JSRP1: variants seen among roughly 807,000 people sequenced by gnomAD.
The protein encoded by JSRP1 is 2310032K21Rik.
JSRP1 carries 29 observed loss-of-function variants against 21.4 expected under a neutral mutation model. That is an observed-to-expected ratio of 1.36 (90% CI 1.01 to 1.85). JSRP1 has a LOEUF of 1.85. Ranked by LOEUF, JSRP1 falls within the 40% of genes most tolerant of loss-of-function variation. The pLI, the probability that JSRP1 is intolerant of heterozygous loss-of-function variation, is 0.00. For synonymous variants in JSRP1, 221 were observed against 206.1 expected (o/e 1.07, Z -0.62); for missense variants, 531 against 461.5 (o/e 1.15, Z -1.38).
At chr19:2,256,330 C>T (rs535734441) in intron 1 of JSRP1, 53 bp downstream of exon 1, 2 of 152,564 alleles carry the variant, frequency 1.3e-5, no homozygotes, top group South Asian at 2.1e-4. Flanking sequence ...GGAGCCCACA[C>T]CTCTGCCCGG....
Position 2,253,692 on chromosome 19 carries a change from G to T in JSRP1, c.364C>A (p.Leu122Met). The change falls in exon 5 of 7, where the codon CTG becomes ATG. Residue 122 changes from leucine (L) to methionine (M), a missense_variant. By Grantham distance (15) the Leu-to-Met change is conservative (BLOSUM62 2). Coordinates refer to ENST00000300961, the MANE Select transcript of JSRP1 (RefSeq NM_144616.4). Reference sequence around the variant, plus strand: ...AGCACCAGGCACTTGTTGAGCGACAGGTCTCCCCAGGGCAGCTCCTCGCTC... The same window carrying T: ...AGCACCAGGCACTTGTTGAGCGACATGTCTCCCCAGGGCAGCTCCTCGCTC... ...ALSEELPWGD[L>M]SLNKCLVLAS... 7.3e-6 allele frequency: 11 copies of T among 1,510,428 alleles called. No homozygotes were observed. The highest frequency in any genetic ancestry group is 9.7e-6 in the Non-Finnish European group (11 of 1,136,708). 93.6% of individuals were successfully genotyped at this position (1,510,428 alleles called of 1,614,324 possible). A position where few individuals can be genotyped will look rare whatever the true frequency, so the allele number is the denominator to read the frequency against.
At position 2,255,298 on chromosome 19, in the gene JSRP1, C is replaced by G; in HGVS notation, c.17G>C (p.Arg6Thr). MSMTT[R>T]AWEELDGGLG... ...GCCGCCATCCAGCTCCTCCCAGGCT[C>G]TGGTTGTCATGGACATGGCTGGAGC... The change falls in exon 2 of 7, where the codon AGA (arginine) becomes ACA (threonine). Residue 6 changes from arginine to threonine, a missense_variant. Transcript: ENST00000300961. 3 of 1,609,438 alleles carry G rather than the reference C, an allele frequency of 1.9e-6. No homozygotes were observed. The highest frequency in any genetic ancestry group is 2.5e-6 in the Non-Finnish European group (3 of 1,178,098).
In JSRP1 at chr19:2,253,765, C is replaced by G; in HGVS notation, c.291G>C (p.Lys97Asn). The change falls in exon 5 of 7, where the codon AAG (lysine) becomes AAC (asparagine). Residue 97 changes from lysine (K) to asparagine (N), a missense_variant. Transcript: ENST00000300961. Reference sequence around the variant, plus strand: ...GCTGCAGGGGCGGCGCGGTCTGCGCCTTCTTGCGCGCGGGGACGCTCCGAG... The same window carrying G: ...GCTGCAGGGGCGGCGCGGTCTGCGCGTTCTTGCGCGCGGGGACGCTCCGAG... Reference protein sequence around the residue: ...ASPRSVPARKKAQTAPPLQPP... With the variant: ...ASPRSVPARKNAQTAPPLQPP... 1 of 1,439,082 alleles carries G rather than the reference C, an allele frequency of 6.9e-7. No homozygotes were observed. Among genetic ancestry groups the G allele is most frequent in the South Asian group, 1.4e-5 (1 of 70,238 alleles). 89.1% of individuals were successfully genotyped at this position (1,439,082 alleles called of 1,614,324 possible). A position where few individuals can be genotyped will look rare whatever the true frequency, so the allele number is the denominator to read the frequency against.
chr19:2,254,598 T>A, intron 2 of JSRP1, 116 bp from the exon 3 acceptor site: 1 of 1,138,500 alleles, frequency 8.8e-7, no homozygotes, highest in Non-Finnish European at 1.3e-6. Context: ...GATAAGAAAG[T>A]AGGTGGAGGC....
At chr19:2,255,620 C>T (rs1023149196) in intron 1 of JSRP1, among the ~76,000 whole-genome samples, 3 of 152,224 alleles carry the variant, frequency 2.0e-5, no homozygotes, top group African/African-American at 7.2e-5. Flanking sequence ...CCAGAGAGGG[C>T]GGGAGCCCCT....
intron 5 of JSRP1, 79 bp from the exon 6 acceptor site, chr19:2,253,082 GC>G: frequency 3.9e-6 from 4 of 1,016,112 alleles, no homozygotes; most frequent in South Asian, 2.9e-5. Flanking sequence ...CACCCCTAGA[GC>G]CCCCCTCCCT....
Position 2,252,274 on chromosome 19 carries a change from C to G in JSRP1, c.*55G>C. 7.2e-7 allele frequency: 1 copy of G among 1,381,934 alleles called. No homozygotes were observed. The highest frequency in any genetic ancestry group is 9.5e-7 in the Non-Finnish European group (1 of 1,050,948). 85.6% of individuals were successfully genotyped at this position (1,381,934 alleles called of 1,614,324 possible). On this transcript the variant is annotated 3_prime_UTR_variant, in exon 7 of 7. Transcript: ENST00000300961. ...TGCGGCCGCAGCACTCGCTTTATTTCGCCAGAGTCGCGGGGCGTCCAGAAG... is the reference window on the plus strand; with the variant it reads ...TGCGGCCGCAGCACTCGCTTTATTTGGCCAGAGTCGCGGGGCGTCCAGAAG...
rs376505142 is a variant in JSRP1 at position 2,254,440 on chromosome 19, C to T, written c.147+5G>A. 3.1e-6 allele frequency: 5 copies of T among 1,612,918 alleles called. No individual in the cohort carries two copies. Among genetic ancestry groups the T allele is most frequent in the Admixed American group, 1.7e-5 (1 of 60,024 alleles). ...GGTTAAAGGCTGAGGGTCCCAGCTA[C>T]TCACGTGGGGCACGCTGCCGGAGTC... On this transcript the variant is annotated splice_donor_5th_base_variant and intron_variant, in intron 3 of 6. Coordinates refer to ENST00000300961, the MANE Select transcript of JSRP1 (RefSeq NM_144616.4).
chr19:2,252,618 T>G lies in JSRP1; in HGVS notation c.707A>C (p.Lys236Thr), dbSNP rs764413840. The G allele has an allele frequency of 4.3e-5, 70 of 1,612,494 alleles. 1 individual carries two copies. In the South Asian group the frequency reaches 7.7e-4, roughly 18 times the overall value. Reference protein sequence around the residue: ...DRVTLADRGPKERPRREGKPR... With the variant: ...DRVTLADRGPTERPRREGKPR... ...CTTCCCCTCTCTCCGAGGCCTCTCC[T>G]TGGGTCCCCGGTCTGCGAGGGTCAC... is the stretch of plus-strand genomic sequence containing the variant. Residue 236 changes from lysine (K) to threonine (T), a missense_variant, in exon 7 of 7, where the codon AAG (lysine) becomes ACG (threonine). By Grantham distance (78) the Lys-to-Thr change is moderately conservative (BLOSUM62 -1). Transcript: ENST00000300961.
Position 2,254,188 on chromosome 19 carries a change from C to T in JSRP1, c.261G>A (p.Ala87=), listed in dbSNP as rs781764031. ...CACCCATGCCTCCTGCAAACCCACT[C>T]GCTCCGGCTTTCAGCCTCTCCTTCC... The part of the protein sequence containing the change: ...GTGKERLKAG[A]SPRSVPARKK... The change falls in exon 4 of 7, where the codon GCG becomes GCA. Residue 87 remains alanine, a splice_region_variant and synonymous_variant. Coordinates refer to ENST00000300961, the MANE Select transcript of JSRP1 (RefSeq NM_144616.4). The T allele has an allele frequency of 2.6e-5, 42 of 1,599,510 alleles. No individual in the cohort carries two copies. The highest frequency in any genetic ancestry group is 3.2e-5 in the Non-Finnish European group (37 of 1,173,552).
Position 2,252,636 on chromosome 19 carries a change from A to G in JSRP1, c.689T>C (p.Leu230Pro), listed in dbSNP as rs1284120070. 1 of 1,612,058 alleles carries G rather than the reference A, an allele frequency of 6.2e-7. No individual in the cohort carries two copies. Among genetic ancestry groups the G allele is most frequent in the Non-Finnish European group, 8.5e-7 (1 of 1,179,882 alleles). Residue 230 changes from leucine to proline, a missense_variant, in exon 7 of 7, where the codon CTC becomes CCC. Leu to Pro is a moderately conservative substitution (Grantham distance 98, BLOSUM62 -3). Coordinates refer to ENST00000300961, the MANE Select transcript of JSRP1 (RefSeq NM_144616.4). ...GEAVREDRVT[L>P]ADRGPKERPR... Reference sequence around the variant, plus strand: ...CCTCTCCTTGGGTCCCCGGTCTGCGAGGGTCACACGGTCCTCCCGGACGGC... The same window carrying G: ...CCTCTCCTTGGGTCCCCGGTCTGCGGGGGTCACACGGTCCTCCCGGACGGC...
At position 2,252,344 on chromosome 19, in the gene JSRP1, G is replaced by A. The variant is rs1027232992; in HGVS notation, c.981C>T (p.Gly327=). The A allele has an allele frequency of 2.6e-6, 4 of 1,522,594 alleles. No individual in the cohort carries two copies. The highest frequency in any genetic ancestry group is 3.5e-6 in the Non-Finnish European group (4 of 1,139,084). The allele number at this position is 1,522,594 out of a possible 1,614,324, so 94.3% of individuals were successfully genotyped here. A position where few individuals can be genotyped will look rare whatever the true frequency, so the allele number is the denominator to read the frequency against. Residue 327 remains glycine (G), a synonymous_variant, in exon 7 of 7, where the codon GGC becomes GGT. Transcript: ENST00000300961. ...CGGGGCCGGCTCAGTCCCGCCCCTT[G>A]CCTGCGCGGAGCTTCTGGCGACTCC... ...RPGSRQKLRA[G]KGRD is the part of the protein sequence containing the mutation.
At chr19:2,254,594 A>C in intron 2 of JSRP1, 112 bp from the exon 3 acceptor site, 2 of 1,211,604 alleles carry the variant, frequency 1.7e-6, no homozygotes, top group East Asian at 5.1e-5. Context: ...TATAGATAAG[A>C]AAGTAGGTGG....
intron 2 of JSRP1, among the ~76,000 whole-genome samples, chr19:2,254,882 G>A (rs937628060): frequency 9.2e-5 from 14 of 151,856 alleles, no homozygotes; most frequent in Admixed American, 7.9e-4. Context: ...ACAGAATGAG[G>A]CTCTGTCTCA....
chr19:2,254,765 A>G (rs988087444), intron 2 of JSRP1, among the ~76,000 whole-genome samples: 1 of 150,740 alleles, frequency 6.6e-6, no homozygotes, highest in African/African-American at 2.4e-5. Context: ...GGTGGCCTGC[A>G]CCTGTGGCCC....
chr19:2,254,616 G>T, intron 2 of JSRP1, 134 bp from the exon 3 acceptor site: 1 of 940,440 alleles, frequency 1.1e-6, no homozygotes, highest in Non-Finnish European at 1.6e-6. Flanking sequence ...GGCCAGCACA[G>T]TGGTTCACAC....
In JSRP1 at chr19:2,253,633, G is replaced by A. The variant is rs2025099355; in HGVS notation, c.423C>T (p.Phe141=). ...GCCTGCGCTCACCGCGGCACAGCTG[G>A]AAAGCCGAGCCCAGCAGCGCCACCA... ...ASLVALLGSA[F]QLCRDAVPGE... The change falls in exon 5 of 7, where the codon TTC becomes TTT. Residue 141 remains phenylalanine (F), a synonymous_variant. Coordinates refer to ENST00000300961, the MANE Select transcript of JSRP1 (RefSeq NM_144616.4). 4.0e-6 allele frequency: 6 copies of A among 1,498,806 alleles called. No homozygotes were observed. The highest frequency in any genetic ancestry group is 5.3e-6 in the Non-Finnish European group (6 of 1,131,112). 92.8% of individuals were successfully genotyped at this position (1,498,806 alleles called of 1,614,324 possible). A position where few individuals can be genotyped will look rare whatever the true frequency, so the allele number is the denominator to read the frequency against.
chr19:2,253,800 G>A lies in JSRP1; in HGVS notation c.263-7C>T. The A allele has an allele frequency of 7.2e-7, 1 of 1,382,596 alleles. No individual in the cohort carries two copies. Among genetic ancestry groups the A allele is most frequent in the Non-Finnish European group, 9.3e-7 (1 of 1,079,836 alleles). The allele number at this position is 1,382,596 out of a possible 1,614,324, so 85.6% of individuals were successfully genotyped here. A position where few individuals can be genotyped will look rare whatever the true frequency, so the allele number is the denominator to read the frequency against. On this transcript the variant is annotated splice_region_variant and splice_polypyrimidine_tract_variant and intron_variant, in intron 4 of 6. Coordinates refer to ENST00000300961, the MANE Select transcript of JSRP1 (RefSeq NM_144616.4). Reference sequence around the variant, plus strand: ...GCGGGGACGCTCCGAGGGCCTGCGGGGGCAAGTGCGCGCTGCGCTGTGGTC... The same window carrying A: ...GCGGGGACGCTCCGAGGGCCTGCGGAGGCAAGTGCGCGCTGCGCTGTGGTC...
Position 2,253,011 on chromosome 19 carries a change from G to T in JSRP1, c.437-8C>A, listed in dbSNP as rs772101547. Reference sequence around the variant, plus strand: ...CCTCCCCAGGGACGGCGTCTGCAGCGACAGGGTCGGGACCCGAGTCAGCTG... The same window carrying T: ...CCTCCCCAGGGACGGCGTCTGCAGCTACAGGGTCGGGACCCGAGTCAGCTG... On this transcript the variant is annotated splice_region_variant and splice_polypyrimidine_tract_variant and intron_variant, in intron 5 of 6. Transcript: ENST00000300961. The T allele has an allele frequency of 6.3e-7, 1 of 1,589,818 alleles. No homozygotes were observed. The highest frequency in any genetic ancestry group is 8.6e-7 in the Non-Finnish European group (1 of 1,167,458).
Sources: gnomAD v4.1 joint callset for allele counts (sites outside exome capture counted in the v4.1 genomes callset) on GRCh38, gnomAD v4.1.1 for gene constraint, MANE v1.5 for transcripts, NCBI Gene and HGNC (gene_info 2026-07-23, HGNC 2026-07-21) for gene names.